The following ERC2 variants were observed in gnomAD, a reference collection of about 807,000 sequenced individuals.
ERC2 encodes the protein ELKS/RAB6-interacting/CAST family member 2, also known as ERC protein 2.
In ERC2, 42 loss-of-function variants were observed where a neutral mutation model predicts 114.8. The ratio of observed to expected loss-of-function variants is 0.37; its 90% CI spans 0.29 to 0.47. The LOEUF (loss-of-function observed/expected upper bound fraction) is 0.47, where lower values mean the gene tolerates loss of function less well. ERC2 is among the 20% of genes least tolerant of loss of function. The pLI is 0.99. For synonymous variants in ERC2, 454 were observed against 425.5 expected, an observed-to-expected ratio of 1.07 and a Z score of -0.82; for missense variants, 939 against 1,150.7, an observed-to-expected ratio of 0.82 and a Z score of 2.66.
intron 16 of ERC2, among the ~76,000 whole-genome samples, chr3:55,697,340 G>C (rs918202299): frequency 1.3e-5 from 2 of 152,196 alleles, no homozygotes; most frequent in Non-Finnish European, 2.9e-5. Context: ...GGATGTGAAA[G>C]TGAAAGACCA....
At chr3:55,710,361 C>T (rs1391785619) in intron 15 of ERC2, among the ~76,000 whole-genome samples, 1 of 152,144 alleles carries the variant, frequency 6.6e-6, no homozygotes, top group Non-Finnish European at 1.5e-5. Context: ...CTTACCCCCC[C>T]AAAGAAGAGG....
At chr3:56,207,766 A>C (rs2048828046) in intron 3 of ERC2, among the ~76,000 whole-genome samples, 1 of 152,182 alleles carries the variant, frequency 6.6e-6, no homozygotes, top group African/African-American at 2.4e-5. Context: ...TGCCTTATCT[A>C]CCATATCTTC....
intron 10 of ERC2, among the ~76,000 whole-genome samples, chr3:55,996,830 A>G (rs2071551868): frequency 6.6e-6 from 1 of 152,216 alleles, no homozygotes; most frequent in Non-Finnish European, 1.5e-5. Context: ...TAGTGAAAGA[A>G]TTTATAACTA....
intron 15 of ERC2, among the ~76,000 whole-genome samples, chr3:55,702,702 A>G (rs13326142): frequency 1.3e-4 from 20 of 152,292 alleles, no homozygotes; most frequent in African/African-American, 4.8e-4. Context: ...GGACAGGGAT[A>G]CTGTTTGTTC....
chr3:56,079,566 T>A (rs1454161255), intron 7 of ERC2, among the ~76,000 whole-genome samples: 1 of 152,136 alleles, frequency 6.6e-6, no homozygotes, highest in African/African-American at 2.4e-5. Flanking sequence ...CCTTCCACTG[T>A]TACTCTGAGT....
chr3:55,666,845 G>C (rs562580431), intron 17 of ERC2, among the ~76,000 whole-genome samples: 1 of 152,090 alleles, frequency 6.6e-6, no homozygotes, highest in Non-Finnish European at 1.5e-5. Flanking sequence ...CACTAGTTCC[G>C]CAACTTGGAG....
At chr3:55,908,501 C>G (rs890502902) in intron 13 of ERC2, among the ~76,000 whole-genome samples, 7 of 152,062 alleles carry the variant, frequency 4.6e-5, no homozygotes, top group Non-Finnish European at 1.0e-4. Context: ...AAGGAAGAGT[C>G]AGGGAGCGAT....
At chr3:55,563,270 T>C (rs1425280564) in intron 17 of ERC2, among the ~76,000 whole-genome samples, 2 of 152,056 alleles carry the variant, frequency 1.3e-5, no homozygotes, top group Admixed American at 1.3e-4. Flanking sequence ...ATCAGAATTC[T>C]GCTCCTCTGG....
intron 2 of ERC2, among the ~76,000 whole-genome samples, chr3:56,303,375 G>T (rs2056018514): frequency 6.6e-6 from 1 of 152,142 alleles, no homozygotes; most frequent in South Asian, 2.1e-4. Flanking sequence ...ACTCATCTGT[G>T]CATTAAAAAT....
At chr3:56,295,989 G>C in intron 3 of ERC2, 30 bp downstream of exon 3, 2 of 1,525,446 alleles carry the variant, frequency 1.3e-6, no homozygotes, top group Non-Finnish European at 1.8e-6. Flanking sequence ...ATAAATTAAG[G>C]CTTTGGGGAA....
intron 6 of ERC2, among the ~76,000 whole-genome samples, chr3:56,084,524 T>G (rs1482931174): frequency 6.6e-6 from 1 of 152,132 alleles, no homozygotes; most frequent in African/African-American, 2.4e-5. Flanking sequence ...ATATATATGA[T>G]AAGAATGAAA....
chr3:56,270,113 T>C (rs1010303461), intron 3 of ERC2, among the ~76,000 whole-genome samples: 5 of 151,808 alleles, frequency 3.3e-5, no homozygotes, highest in Admixed American at 6.6e-5. Flanking sequence ...ATAGGCATAA[T>C]TGTCAATTAG....
intron 9 of ERC2, among the ~76,000 whole-genome samples, chr3:56,009,561 C>G (rs1232800584): frequency 6.6e-6 from 1 of 152,064 alleles, no homozygotes; most frequent in East Asian, 1.9e-4. Flanking sequence ...GCTGTGGTAC[C>G]GTCCAGCAGG....
chr3:55,983,465 G>A (rs1051754334), intron 12 of ERC2, among the ~76,000 whole-genome samples: 1 of 152,192 alleles, frequency 6.6e-6, no homozygotes, highest in African/African-American at 2.4e-5. Context: ...CAGACATGGA[G>A]TTTACTGGAG....
At chr3:56,368,621 T>C (rs1363279327) in intron 2 of ERC2, among the ~76,000 whole-genome samples, 1 of 152,244 alleles carries the variant, frequency 6.6e-6, no homozygotes, top group East Asian at 1.9e-4. Flanking sequence ...CTCCTATGAA[T>C]GGGTAATTGG....
chr3:55,536,075 C>T (rs2053983922), intron 17 of ERC2, among the ~76,000 whole-genome samples: 1 of 152,194 alleles, frequency 6.6e-6, no homozygotes, highest in Non-Finnish European at 1.5e-5. Flanking sequence ...CTCTGATGTG[C>T]CCAGAGTAAA....
chr3:55,568,410 C>A (rs2056505841), intron 17 of ERC2, among the ~76,000 whole-genome samples: 1 of 152,206 alleles, frequency 6.6e-6, no homozygotes, highest in African/African-American at 2.4e-5. Context: ...CAAACCTGAG[C>A]TCCGGAACAT....
At chr3:55,992,346 A>G (rs1272465479) in intron 10 of ERC2, 96 bp from the exon 11 acceptor site, 47 of 1,109,456 alleles carry the variant, frequency 4.2e-5, no homozygotes, top group Non-Finnish European at 5.9e-5. Flanking sequence ...CTTTGGAGAG[A>G]AAATCACCAC....
chr3:55,824,831 A>G (rs188088921), intron 14 of ERC2, among the ~76,000 whole-genome samples: 2 of 152,342 alleles, frequency 1.3e-5, no homozygotes, highest in African/African-American at 4.8e-5. Flanking sequence ...AATTTAAATG[A>G]ACATTGAATG....
Sources: allele counts gnomAD v4.1 joint callset (sites outside exome capture counted in the v4.1 genomes callset), GRCh38; gene constraint gnomAD v4.1.1; transcripts MANE v1.5; gene names NCBI Gene and HGNC (gene_info 2026-07-23, HGNC 2026-07-21).